GALNT18: variants seen among roughly 807,000 people sequenced by gnomAD.
GALNT18 encodes polypeptide N-acetylgalactosaminyltransferase 18.
GALNT18 carries 44 observed loss-of-function variants against 69.5 expected under a neutral mutation model. The observed-to-expected ratio is 0.63, with a 90% confidence interval of 0.50 to 0.81. The LOEUF is 0.81. Ranked by LOEUF, GALNT18 falls within the 40% of genes least tolerant of loss-of-function variation. The pLI is 0.00. For missense variants in GALNT18, 715 were observed against 810.0 expected (o/e 0.88, Z 1.42); for synonymous variants, 364 against 318.2 (o/e 1.14, Z -1.53).
rs970345761 is a variant in GALNT18, at chr11:11,505,128, G to A, written c.236-56192C>T. ...CTTGAGGGGATGACATTTGAAGAGG[G>A]CTTGAAGAATGAGTGGAGTTCAGTA... is the stretch of plus-strand genomic sequence containing the variant. On this transcript the variant is annotated intron_variant, in intron 1 of 10. Transcript: ENST00000227756. This position sits in a 1 kb window ranked among gnomAD's most constrained non-coding sequence, Gnocchi z 4.6. 2.6e-5 allele frequency among the ~76,000 whole-genome samples: 4 copies of A among 152,216 alleles called. No homozygotes were observed. The highest frequency in any genetic ancestry group is 5.9e-5 in the Non-Finnish European group (4 of 68,046).
intron 10 of GALNT18, among the ~76,000 whole-genome samples, chr11:11,273,906 A>C (rs549030744): frequency 8.5e-5 from 13 of 152,302 alleles, no homozygotes; most frequent in African/African-American, 3.1e-4. Flanking sequence ...ATGGCTGAAT[A>C]GGAATAGCTC....
At chr11:11,274,327 A>C (rs898332382) in intron 10 of GALNT18, among the ~76,000 whole-genome samples, 23 of 152,286 alleles carry the variant, frequency 1.5e-4, no homozygotes, top group African/African-American at 5.3e-4. Flanking sequence ...GGCACCAGGA[A>C]TGCCAGTGTG....
chr11:11,307,384 G>T (rs902335504), intron 9 of GALNT18, among the ~76,000 whole-genome samples: 8 of 152,266 alleles, frequency 5.3e-5, no homozygotes, highest in Admixed American at 5.2e-4. Flanking sequence ...CACACTATAT[G>T]TCAGGGATGC....
At chr11:11,556,500 C>A (rs1858336227) in intron 1 of GALNT18, among the ~76,000 whole-genome samples, 1 of 152,126 alleles carries the variant, frequency 6.6e-6, no homozygotes, top group Admixed American at 6.5e-5. Context: ...AAGATAGTGC[C>A]CTTGAGTAAA....
At chr11:11,273,074 A>C (rs561772693) in intron 10 of GALNT18, among the ~76,000 whole-genome samples, 1 of 152,260 alleles carries the variant, frequency 6.6e-6, no homozygotes, top group Non-Finnish European at 1.5e-5. Context: ...TTAGACTACA[A>C]AACTCCTAGA....
At chr11:11,394,660 TC>T (rs1430324070) in intron 3 of GALNT18, among the ~76,000 whole-genome samples, 1 of 152,188 alleles carries the variant, frequency 6.6e-6, no homozygotes, top group African/African-American at 2.4e-5. Context: ...CTCACTAAGC[TC>T]CACGCCTCAA....
chr11:11,505,670 T>C lies in GALNT18; in HGVS notation c.236-56734A>G, dbSNP rs934522604. Among the ~76,000 whole-genome samples, 2 of 152,204 alleles carry C rather than the reference T, an allele frequency of 1.3e-5. No individual in the cohort carries two copies. Among genetic ancestry groups the C allele is most frequent in the African/African-American group, 4.8e-5 (2 of 41,450 alleles). ...TTCCATTGCCTTCCTCCTCACCAGATTCAGAAGTCCCCATTCTGATTTAAT... is the reference window on the plus strand; with the variant it reads ...TTCCATTGCCTTCCTCCTCACCAGACTCAGAAGTCCCCATTCTGATTTAAT... On this transcript the variant is annotated intron_variant, in intron 1 of 10. Coordinates refer to ENST00000227756, the MANE Select transcript of GALNT18 (RefSeq NM_198516.3). The surrounding 1 kb of genome is among the most constrained non-coding windows in gnomAD (Gnocchi z 4.6).
chr11:11,464,509 G>A (rs999694538), intron 1 of GALNT18, among the ~76,000 whole-genome samples: 1 of 152,126 alleles, frequency 6.6e-6, no homozygotes. Context: ...ATTTCCTCCT[G>A]GTGGGTGGTT....
At chr11:11,433,653 G>A (rs1855327876) in intron 2 of GALNT18, among the ~76,000 whole-genome samples, 1 of 152,220 alleles carries the variant, frequency 6.6e-6, no homozygotes, top group South Asian at 2.1e-4. Context: ...ACACAGTTCT[G>A]AAATCAGATC....
rs762301098 is a variant in GALNT18, at chr11:11,435,346, T to TCCCTCCCA, written c.429-2560_429-2559insTGGGAGGG. Among the ~76,000 whole-genome samples, 23 of 152,300 alleles carry TCCCTCCCA rather than the reference T, an allele frequency of 1.5e-4. No homozygotes were observed. Among genetic ancestry groups the TCCCTCCCA allele is most frequent in the Non-Finnish European group, 3.4e-4 (23 of 68,018 alleles). ...CCTCCCAGTAGCAGCCCTGATGGTTTGAGCTGCCAGTCTCTGGAAGCTGGT... is the reference window on the plus strand; with the variant it reads ...CCTCCCAGTAGCAGCCCTGATGGTTTCCCTCCCAGAGCTGCCAGTCTCTGGAAGCTGGT... On this transcript the variant is annotated intron_variant, in intron 2 of 10. Coordinates refer to ENST00000227756, the MANE Select transcript of GALNT18 (RefSeq NM_198516.3). This position sits in a 1 kb window ranked among gnomAD's most constrained non-coding sequence, Gnocchi z 4.4.
rs779342955 is a variant in GALNT18 at position 11,565,226 on chromosome 11, C to T, written c.235+56133G>A. Among the ~76,000 whole-genome samples, 7 of 152,218 alleles carry T rather than the reference C, an allele frequency of 4.6e-5. No individual in the cohort carries two copies. The East Asian group carries it at 5.8e-4, about 13-fold the overall frequency. ...TATAAGGGTCAAGTGAGATGATGCT[C>T]AGCACACTCAGTGCTCCTTCTGTCG... On this transcript the variant is annotated intron_variant, in intron 1 of 10. Transcript: ENST00000227756.
intron 1 of GALNT18, among the ~76,000 whole-genome samples, chr11:11,552,489 A>G (rs1373949801): frequency 1.3e-5 from 2 of 152,214 alleles, no homozygotes; most frequent in South Asian, 2.1e-4. Flanking sequence ...ACAACTGGCT[A>G]TTGAGTAAAT....
At chr11:11,576,925 C>G (rs2133899581) in intron 1 of GALNT18, among the ~76,000 whole-genome samples, 1 of 152,298 alleles carries the variant, frequency 6.6e-6, no homozygotes, top group Non-Finnish European at 1.5e-5. Flanking sequence ...GATGGGGTGG[C>G]TGGCTGAAGG....
chr11:11,522,865 C>G (rs1489042913), intron 1 of GALNT18, among the ~76,000 whole-genome samples: 2 of 152,170 alleles, frequency 1.3e-5, no homozygotes, highest in Non-Finnish European at 2.9e-5. Flanking sequence ...ATGGGTTAGA[C>G]TAGCTTCCTA....
chr11:11,605,209 T>G lies in GALNT18; in HGVS notation c.235+16150A>C, dbSNP rs1859720109. ...TGGAGAAGGGTCTGTGGTGCCAAAC[T>G]CAGACCCACACTCATGGGTGGGTGA... On this transcript the variant is annotated intron_variant, in intron 1 of 10. Transcript: ENST00000227756. The surrounding 1 kb of genome is among the most constrained non-coding windows in gnomAD (Gnocchi z 4.7). Among the ~76,000 whole-genome samples the G allele has an allele frequency of 6.6e-6, 1 of 152,126 alleles. No homozygotes were observed. The highest frequency in any genetic ancestry group is 2.4e-5 in the African/African-American group (1 of 41,426).
rs748574054 is a variant in GALNT18, at chr11:11,619,577, A to G, written c.235+1782T>C. 2.6e-5 allele frequency among the ~76,000 whole-genome samples: 4 copies of G among 152,186 alleles called. No individual in the cohort carries two copies. Among genetic ancestry groups the G allele is most frequent in the Non-Finnish European group, 5.9e-5 (4 of 68,030 alleles). Reference sequence around the variant, plus strand: ...CTCCTGCCTGACCAGAAAGAAAAGCACAAGAGAATCATTTTCCAGGAACAC... The same window carrying G: ...CTCCTGCCTGACCAGAAAGAAAAGCGCAAGAGAATCATTTTCCAGGAACAC... On this transcript the variant is annotated intron_variant, in intron 1 of 10. Transcript: ENST00000227756. This position sits in a 1 kb window ranked among gnomAD's most constrained non-coding sequence, Gnocchi z 4.9.
At chr11:11,294,512 G>T (rs1424567547) in intron 9 of GALNT18, among the ~76,000 whole-genome samples, 1 of 151,560 alleles carries the variant, frequency 6.6e-6, no homozygotes, top group African/African-American at 2.4e-5. Context: ...ACTTTCAAAG[G>T]ACAGCAGCCA....
chr11:11,493,769 G>A (rs1406956883), intron 1 of GALNT18, among the ~76,000 whole-genome samples: 1 of 152,170 alleles, frequency 6.6e-6, no homozygotes, highest in African/African-American at 2.4e-5. Context: ...TGGAACTTCA[G>A]AACGGAGATT....
chr11:11,621,972 C>A lies in GALNT18; in HGVS notation c.-379G>T, dbSNP rs377589201. 34 of 170,852 alleles carry A rather than the reference C, an allele frequency of 2.0e-4. No individual in the cohort carries two copies. The East Asian group carries it at 4.9e-3, about 25-fold the overall frequency. 10.6% of individuals were successfully genotyped at this position (170,852 alleles called of 1,614,324 possible). On this transcript the variant is annotated 5_prime_UTR_variant, in exon 1 of 11. Transcript: ENST00000227756. The surrounding 1 kb of genome is among the most constrained non-coding windows in gnomAD (Gnocchi z 9.3). ...CCATCGCCAGCGCCGGCTGCCTTGGCGGTCCGACCGGCCCGCGCTGCTAGG... is the reference window on the plus strand; with the variant it reads ...CCATCGCCAGCGCCGGCTGCCTTGGAGGTCCGACCGGCCCGCGCTGCTAGG...
Sources: allele counts gnomAD v4.1 joint callset (sites outside exome capture counted in the v4.1 genomes callset), GRCh38; gene constraint gnomAD v4.1.1; non-coding constraint Gnocchi (gnomAD v3.1); transcripts MANE v1.5; gene names NCBI Gene and HGNC (gene_info 2026-07-23, HGNC 2026-07-21).